The following P4HA2 variants were observed in gnomAD, a reference collection of about 807,000 sequenced individuals.
The protein encoded by P4HA2 is prolyl 4-hydroxylase subunit alpha 2, also known as prolyl 4-hydroxylase subunit alpha-2.
In P4HA2, 46 loss-of-function variants were observed where a neutral mutation model predicts 76.9. The ratio of observed to expected loss-of-function variants is 0.60; its 90% CI spans 0.47 to 0.76. P4HA2 has a LOEUF of 0.76. Ranked by LOEUF, P4HA2 falls within the 30% of genes least tolerant of loss-of-function variation. P4HA2 has a pLI of 0.00. For missense variants in P4HA2, 583 were observed against 669.4 expected, an observed-to-expected ratio of 0.87 and a Z score of 1.42; for synonymous variants, 243 against 254.0, an observed-to-expected ratio of 0.96 and a Z score of 0.41.
At chr5:132,201,459 T>C (rs1751456664) in intron 10 of P4HA2, 1 of 152,218 alleles carries the variant, frequency 6.6e-6, no homozygotes, top group Non-Finnish European at 1.5e-5. Context: ...CCTAGGCATG[T>C]ATCATACCAC....
At chr5:132,207,934 G>C (rs201988362) in intron 7 of P4HA2, 50 bp from the exon 8 acceptor site, 1 of 1,432,080 alleles carries the variant, frequency 7.0e-7, no homozygotes, top group African/African-American at 1.5e-5. Context: ...CCTAATCCTC[G>C]GTCCCAGTCT....
At chr5:132,212,564 T>G (rs1235068463) in intron 5 of P4HA2, among the ~76,000 whole-genome samples, 1 of 152,162 alleles carries the variant, frequency 6.6e-6, no homozygotes, top group African/African-American at 2.4e-5. Context: ...TCAGGACACA[T>G]GAAGTTCGAG....
chr5:132,207,784 C>T lies in P4HA2; in HGVS notation c.1004G>A (p.Ser335Asn), dbSNP rs1036228460. Residue 335 changes from serine to asparagine, a missense_variant, in exon 8 of 15, where the codon AGC (serine) becomes AAC (asparagine). Coordinates refer to ENST00000360568, the MANE Select transcript of P4HA2 (RefSeq NM_001017974.2). ...APFKEEDEWD[S>N]PHIVRYYDVM... ...ATCGTAGTACCTGACGATGTGCGGGCTGTCCCACTCGTCCTCCTCTTTGAA... is the reference window on the plus strand; with the variant it reads ...ATCGTAGTACCTGACGATGTGCGGGTTGTCCCACTCGTCCTCCTCTTTGAA... 6.2e-7 allele frequency: 1 copy of T among 1,613,796 alleles called. No homozygotes were observed. The highest frequency in any genetic ancestry group is 1.3e-5 in the African/African-American group (1 of 75,042).
At chr5:132,216,518 A>G (rs1029368615) in intron 4 of P4HA2, among the ~76,000 whole-genome samples, 27 of 152,232 alleles carry the variant, frequency 1.8e-4, no homozygotes, top group African/African-American at 5.8e-4. Flanking sequence ...TCTGACAGGT[A>G]ATCACCATCC....
At chr5:132,195,645 A>G in intron 12 of P4HA2, 165 bp from the exon 13 acceptor site, 1 of 649,026 alleles carries the variant, frequency 1.5e-6, no homozygotes, top group Non-Finnish European at 2.8e-6. Context: ...GGCTCTTCCC[A>G]TGCCTACTTA....
intron 2 of P4HA2, among the ~76,000 whole-genome samples, chr5:132,218,248 G>A (rs141854345): frequency 6.6e-6 from 1 of 152,316 alleles, no homozygotes; most frequent in East Asian, 1.9e-4. Flanking sequence ...CAAAGGATTT[G>A]CTGCTCAGAA....
intron 1 of P4HA2, among the ~76,000 whole-genome samples, chr5:132,225,063 A>AAC (rs1254970845): frequency 6.6e-6 from 1 of 151,848 alleles, no homozygotes; most frequent in Non-Finnish European, 1.5e-5. Context: ...AAAAAAAAAA[A>AAC]AAAAAACTGT....
intron 4 of P4HA2, among the ~76,000 whole-genome samples, chr5:132,215,943 C>T (rs183274663): frequency 1.7e-3 from 256 of 148,230 alleles, no homozygotes; most frequent in Admixed American, 4.1e-3. Flanking sequence ...GGGTGGATCA[C>T]GAGGTCAAGA....
chr5:132,202,036 T>A (rs572049692), intron 10 of P4HA2: 1 of 152,152 alleles, frequency 6.6e-6, no homozygotes, highest in Non-Finnish European at 1.5e-5. Context: ...CAAGAAGATA[T>A]GAATCAAGAC....
chr5:132,207,922 G>C (rs200384760), intron 7 of P4HA2, 38 bp from the exon 8 acceptor site: 5 of 1,486,496 alleles, frequency 3.4e-6, no homozygotes, highest in Non-Finnish European at 4.5e-6. Context: ...AGCTGAGTGA[G>C]TCCTAATCCT....
rs530525991 is a variant in P4HA2 at position 132,205,291 on chromosome 5, C to T, written c.1081-1139G>A. Reference sequence around the variant, plus strand: ...TCCAAGTAGAGGAACATTACAGGAACAGGGAAAGAGCAGCAATCCAGAGGC... The same window carrying T: ...TCCAAGTAGAGGAACATTACAGGAATAGGGAAAGAGCAGCAATCCAGAGGC... On this transcript the variant is annotated intron_variant, in intron 8 of 14. Coordinates refer to ENST00000360568, the MANE Select transcript of P4HA2 (RefSeq NM_001017974.2). 1.4e-4 allele frequency among the ~76,000 whole-genome samples: 22 copies of T among 152,142 alleles called. No homozygotes were observed. In the South Asian group the frequency reaches 4.6e-3, roughly 32 times the overall value.
At chr5:132,195,239 T>G in intron 13 of P4HA2, 173 bp downstream of exon 13, 2 of 651,472 alleles carry the variant, frequency 3.1e-6, no homozygotes, top group South Asian at 3.6e-5. Context: ...TGAAGGGACT[T>G]CCCTCCCTGT....
intron 12 of P4HA2, chr5:132,198,084 G>C: frequency 6.7e-7 from 1 of 1,485,828 alleles, no homozygotes. Context: ...AGGGTGCTGA[G>C]AGCCAGAAGG....
Position 132,198,327 on chromosome 5 carries a change from A to C in P4HA2, c.1359T>G (p.Leu453=). The change falls in exon 12 of 15, where the codon CTT becomes CTG. Residue 453 remains leucine (L), a synonymous_variant. Coordinates refer to ENST00000360568, the MANE Select transcript of P4HA2 (RefSeq NM_001017974.2). The stretch of plus-strand genomic sequence containing the variant: ...GCCTGGACCCAGTACTTACGTAGTT[A>C]AGAAACGTCGCTAACCTATTCCCCT... ...KTEGNRLATF[L]NYMSDVEAGG... is the part of the protein sequence containing the mutation. The C allele has an allele frequency of 6.2e-7, 1 of 1,614,140 alleles. No individual in the cohort carries two copies. Among genetic ancestry groups the C allele is most frequent in the Non-Finnish European group, 8.5e-7 (1 of 1,180,018 alleles).
In P4HA2 at chr5:132,192,004, C is replaced by T. The variant is rs991007735; in HGVS notation, c.*1006G>A. On this transcript the variant is annotated 3_prime_UTR_variant, in exon 15 of 15. Transcript: ENST00000360568. ...ATGTTGAACAAAAGAAGCCACATAC[C>T]CAAAAATATTTACTCTCATTCTATT... The T allele has an allele frequency of 1.8e-4, 27 of 152,148 alleles. 1 individual carries two copies. Among genetic ancestry groups the T allele is most frequent in the Admixed American group, 1.8e-3 (27 of 15,278 alleles). 9.4% of individuals were successfully genotyped at this position (152,148 alleles called of 1,614,324 possible).
In P4HA2 at chr5:132,209,138, C is replaced by T. The variant is rs1246683424; in HGVS notation, c.903G>A (p.Leu301=). The T allele has an allele frequency of 6.2e-7, 1 of 1,610,474 alleles. No homozygotes were observed. The highest frequency in any genetic ancestry group is 8.5e-7 in the Non-Finnish European group (1 of 1,178,076). The change falls in exon 7 of 15, where the codon CTG becomes CTA. Residue 301 remains leucine, a splice_region_variant and synonymous_variant. Coordinates refer to ENST00000360568, the MANE Select transcript of P4HA2 (RefSeq NM_001017974.2). ...ESLCRGEGVK[L]TPRRQKRLFC... ...ACCCTAGCCCCCTCACACATCTCAC[C>T]AGTTTGACACCCTCCCCACGACAGA...
chr5:132,198,037 T>C lies in P4HA2; in HGVS notation c.1365+284A>G, dbSNP rs564768086. The C allele has an allele frequency of 2.9e-3, 2,821 of 985,312 alleles. 5 individuals carry two copies. Among genetic ancestry groups the C allele is most frequent in the Non-Finnish European group, 3.1e-3 (2,557 of 829,874 alleles). The allele number at this position is 985,312 out of a possible 1,614,324, so 61.0% of individuals were successfully genotyped here. On this transcript the variant is annotated intron_variant, in intron 12 of 14. Transcript: ENST00000360568. The stretch of plus-strand genomic sequence containing the variant: ...TGCTGGTGGCAGTGGGGAAAATGAA[T>C]AGAAACAGAGGCCAACTCTCCCTAC...
chr5:132,214,292 G>T (rs1372516704), intron 4 of P4HA2, among the ~76,000 whole-genome samples: 1 of 152,040 alleles, frequency 6.6e-6, no homozygotes, highest in Admixed American at 6.6e-5. Context: ...GAACTAAGTA[G>T]AAGCAGCCCC....
chr5:132,225,661 C>G (rs1481111890), intron 1 of P4HA2, among the ~76,000 whole-genome samples: 1 of 152,198 alleles, frequency 6.6e-6, no homozygotes, highest in Non-Finnish European at 1.5e-5. Context: ...CTCATTCTAG[C>G]CCCAGGCACG....
Sources: gnomAD v4.1 joint callset for allele counts (sites outside exome capture counted in the v4.1 genomes callset) on GRCh38, gnomAD v4.1.1 for gene constraint, MANE v1.5 for transcripts, NCBI Gene and HGNC (gene_info 2026-07-23, HGNC 2026-07-21) for gene names.